RAB3GAP1: variants seen among roughly 807,000 people sequenced by gnomAD.
RAB3GAP1 encodes rab3 GTPase-activating protein catalytic subunit.
A neutral mutation model predicts 130.7 loss-of-function variants in RAB3GAP1; 86 were observed. The observed-to-expected ratio is 0.66, with a 90% CI of 0.55 to 0.79. The LOEUF is 0.79. RAB3GAP1 is among the 30% of genes least tolerant of loss of function. The pLI is 0.00. For missense variants in RAB3GAP1, 1,029 were observed against 1,169.4 expected, an observed-to-expected ratio of 0.88 and a Z score of 1.75; for synonymous variants, 367 against 401.7, an observed-to-expected ratio of 0.91 and a Z score of 1.03.
intron 23 of RAB3GAP1, 76 bp from the exon 24 acceptor site, chr2:135,168,469 A>T: frequency 2.7e-6 from 3 of 1,125,476 alleles, no homozygotes; most frequent in Non-Finnish European, 4.1e-6. Context: ...TTATTATGTT[A>T]ATTCATCTGT....
At chr2:135,112,308 A>G (rs1690825772) in intron 5 of RAB3GAP1, among the ~76,000 whole-genome samples, 1 of 152,252 alleles carries the variant, frequency 6.6e-6, no homozygotes, top group African/African-American at 2.4e-5. Flanking sequence ...CCAGCTAAAG[A>G]CATTCTATAC....
intron 9 of RAB3GAP1, 88 bp downstream of exon 9, chr2:135,124,334 A>G (rs1691287458): frequency 3.1e-6 from 4 of 1,304,136 alleles, no homozygotes; most frequent in South Asian, 1.2e-5. Flanking sequence ...TTATGATGCT[A>G]TAGCTTGCTG....
intron 3 of RAB3GAP1, among the ~76,000 whole-genome samples, chr2:135,074,180 G>T (rs914980717): frequency 1.3e-5 from 2 of 152,200 alleles, no homozygotes; most frequent in African/African-American, 4.8e-5. Flanking sequence ...AAGATGTCTG[G>T]AGCAGGAGGG....
At chr2:135,163,247 T>C (rs570016864) in intron 22 of RAB3GAP1, 146 bp downstream of exon 22, 33 of 714,114 alleles carry the variant, frequency 4.6e-5, no homozygotes, top group Non-Finnish European at 8.3e-5. Context: ...GAAATAATTA[T>C]CATAGCATTT....
intron 9 of RAB3GAP1, among the ~76,000 whole-genome samples, chr2:135,124,725 T>C (rs534173043): frequency 6.6e-6 from 1 of 152,354 alleles, no homozygotes; most frequent in African/African-American, 2.4e-5. Context: ...ATGAAAACTT[T>C]CTGAGATTTG....
At chr2:135,077,089 A>T (rs1689652360) in intron 3 of RAB3GAP1, among the ~76,000 whole-genome samples, 1 of 151,812 alleles carries the variant, frequency 6.6e-6, no homozygotes. Context: ...GGCCAACATG[A>T]TGAAACCACA....
intron 3 of RAB3GAP1, among the ~76,000 whole-genome samples, chr2:135,079,852 G>A (rs1257919119): frequency 1.3e-5 from 2 of 152,190 alleles, no homozygotes; most frequent in Non-Finnish European, 2.9e-5. Context: ...GAGGTTGGCT[G>A]GGCGCGGTGG....
At chr2:135,070,623 T>A (rs1485648295) in intron 3 of RAB3GAP1, among the ~76,000 whole-genome samples, 1 of 152,148 alleles carries the variant, frequency 6.6e-6, no homozygotes, top group Non-Finnish European at 1.5e-5. Flanking sequence ...TTCTCTTGCC[T>A]CAGTCTCCCG....
At chr2:135,099,303 G>C (rs1690385021) in intron 5 of RAB3GAP1, among the ~76,000 whole-genome samples, 1 of 151,924 alleles carries the variant, frequency 6.6e-6, no homozygotes, top group South Asian at 2.1e-4. Context: ...GTTGTTTTCT[G>C]CTTAAATTGA....
At chr2:135,166,252 A>C (rs550269013) in intron 23 of RAB3GAP1, among the ~76,000 whole-genome samples, 1 of 152,198 alleles carries the variant, frequency 6.6e-6, no homozygotes. Flanking sequence ...CTTATTTTAG[A>C]TAACTAAGCA....
intron 5 of RAB3GAP1, among the ~76,000 whole-genome samples, chr2:135,096,949 T>C (rs191614939): frequency 3.4e-4 from 52 of 152,306 alleles, no homozygotes; most frequent in African/African-American, 1.2e-3. Context: ...ATGAAACCTT[T>C]CTATATATTA....
intron 17 of RAB3GAP1, among the ~76,000 whole-genome samples, chr2:135,147,682 A>G (rs1317945615): frequency 7.0e-6 from 1 of 143,508 alleles, no homozygotes; most frequent in Admixed American, 7.6e-5. Flanking sequence ...ACTCAATCAT[A>G]GCTCACTGCA....
At chr2:135,163,124 A>G in intron 22 of RAB3GAP1, 23 bp downstream of exon 22, 1 of 1,554,726 alleles carries the variant, frequency 6.4e-7, no homozygotes, top group Non-Finnish European at 8.9e-7. Flanking sequence ...TGGCTAATTC[A>G]GTTTTGTCTG....
In RAB3GAP1 at chr2:135,169,805, G is replaced by C; in HGVS notation, c.*1024G>C. On this transcript the variant is annotated 3_prime_UTR_variant, in exon 24 of 24. Coordinates refer to ENST00000264158, the MANE Select transcript of RAB3GAP1 (RefSeq NM_012233.3). Reference sequence around the variant, plus strand: ...ATCACCACATTTCTAGTTTCATGGAGCTCAAGATGTCTTGTGTCTGTGTGG... The same window carrying C: ...ATCACCACATTTCTAGTTTCATGGACCTCAAGATGTCTTGTGTCTGTGTGG... The C allele has an allele frequency of 2.2e-6, 1 of 454,804 alleles. No homozygotes were observed. The highest frequency in any genetic ancestry group is 3.3e-4 in the Middle Eastern group (1 of 3,064). The allele number at this position is 454,804 out of a possible 1,614,324, so 28.2% of individuals were successfully genotyped here. A position where few individuals can be genotyped will look rare whatever the true frequency, so the allele number is the denominator to read the frequency against.
intron 7 of RAB3GAP1, among the ~76,000 whole-genome samples, chr2:135,115,957 A>G (rs1415442178): frequency 1.3e-5 from 2 of 152,110 alleles, no homozygotes; most frequent in Admixed American, 1.3e-4. Flanking sequence ...GTTGGGGGGA[A>G]TGGGGCTGAT....
intron 2 of RAB3GAP1, among the ~76,000 whole-genome samples, chr2:135,057,050 G>A (rs1271586188): frequency 6.6e-6 from 1 of 152,130 alleles, no homozygotes; most frequent in Non-Finnish European, 1.5e-5. Context: ...TAATTCTTCT[G>A]AAAATGTCTT....
downstream of RAB3GAP1, among the ~76,000 whole-genome samples, chr2:135,173,852 ATGGATGGATGGT>A (rs1372275009): frequency 2.0e-5 from 3 of 152,058 alleles, no homozygotes; most frequent in Non-Finnish European, 4.4e-5. Context: ...GGGTGGGTGG[ATGGATGGATGGT>A]TGGATGGATG....
chr2:135,070,141 T>A (rs1372896928), intron 3 of RAB3GAP1, among the ~76,000 whole-genome samples: 1 of 152,232 alleles, frequency 6.6e-6, no homozygotes, highest in African/African-American at 2.4e-5. Flanking sequence ...AGAATTCCTG[T>A]CAAACAACTT....
chr2:135,162,563 C>G lies in RAB3GAP1; in HGVS notation c.2298C>G (p.His766Gln). 6.2e-7 allele frequency: 1 copy of G among 1,613,530 alleles called. No homozygotes were observed. The highest frequency in any genetic ancestry group is 8.5e-7 in the Non-Finnish European group (1 of 1,179,698). ...DDTREAEKVL[H>Q]YLAIQKPADL... ...CGCTGCACCTCCTTCAGGTGCTGCACTATCTGGCAATCCAGAAACCTGCAG... is the reference window on the plus strand; with the variant it reads ...CGCTGCACCTCCTTCAGGTGCTGCAGTATCTGGCAATCCAGAAACCTGCAG... Residue 766 changes from histidine (H) to glutamine (Q), a missense_variant, in exon 20 of 24, where the codon CAC becomes CAG. Physicochemically the swap from His to Gln is conservative, Grantham distance 24 (BLOSUM62 0). Coordinates refer to ENST00000264158, the MANE Select transcript of RAB3GAP1 (RefSeq NM_012233.3).
Sources: allele counts gnomAD v4.1 joint callset (sites outside exome capture counted in the v4.1 genomes callset), GRCh38; gene constraint gnomAD v4.1.1; transcripts MANE v1.5; gene names NCBI Gene and HGNC (gene_info 2026-07-23, HGNC 2026-07-21).